Variants in VAV2 observed in about 807,000 individuals in gnomAD.
VAV2 encodes the protein vav guanine nucleotide exchange factor 2.
In VAV2, 67 loss-of-function variants were observed where a neutral mutation model predicts 132.5. That is an observed-to-expected ratio of 0.51 (90% confidence interval 0.42 to 0.62). VAV2 has a LOEUF of 0.62. VAV2 is among the 20% of genes least tolerant of loss of function. The probability of loss-of-function intolerance (pLI) is 0.00; values close to 1 mark genes in which losing one functional copy is unlikely to be tolerated. For synonymous variants in VAV2, 492 were observed against 443.5 expected (o/e 1.11, Z -1.37); for missense variants, 938 against 1,153.6 (o/e 0.81, Z 2.71).
intron 8 of VAV2, among the ~76,000 whole-genome samples, chr9:133,806,664 C>T (rs914578633): frequency 1.3e-5 from 2 of 152,236 alleles, no homozygotes; most frequent in African/African-American, 4.8e-5. Flanking sequence ...CAGCCTCATC[C>T]AGGGCAGCGT....
At chr9:133,909,890 G>A (rs1221706380) in intron 2 of VAV2, among the ~76,000 whole-genome samples, 2 of 152,142 alleles carry the variant, frequency 1.3e-5, no homozygotes, top group Non-Finnish European at 2.9e-5. Flanking sequence ...CTCACTCTCT[G>A]TCCTTCGCTT....
chr9:133,834,153 G>T lies in VAV2; in HGVS notation c.449+119C>A. On this transcript the variant is annotated intron_variant, in intron 4 of 29. Transcript: ENST00000371850. The surrounding 1 kb of genome is among the most constrained non-coding windows in gnomAD (Gnocchi z 5.9). ...ATGAGGAGATGCCCCGGTGGGAAGG[G>T]CCAGGGCCAGCTCTGCCTGCACTGT... The T allele has an allele frequency of 8.5e-7, 1 of 1,179,330 alleles. No individual in the cohort carries two copies. Among genetic ancestry groups the T allele is most frequent in the Non-Finnish European group, 1.2e-6 (1 of 831,958 alleles). The allele number at this position is 1,179,330 out of a possible 1,614,324, so 73.1% of individuals were successfully genotyped here. A position where few individuals can be genotyped will look rare whatever the true frequency, so the allele number is the denominator to read the frequency against.
intron 1 of VAV2, among the ~76,000 whole-genome samples, chr9:133,957,892 T>C (rs1041204317): frequency 6.6e-6 from 1 of 151,666 alleles, no homozygotes. Context: ...CTTGAGATTC[T>C]GTGACCTTAC....
chr9:133,911,696 C>G (rs892943854), intron 2 of VAV2, among the ~76,000 whole-genome samples: 1 of 152,246 alleles, frequency 6.6e-6, no homozygotes, highest in African/African-American at 2.4e-5. Flanking sequence ...CCCCATCAAC[C>G]TCCTGACCTC....
At chr9:133,891,586 AG>A (rs1838953930) in intron 2 of VAV2, among the ~76,000 whole-genome samples, 1 of 2,656 alleles carries the variant, frequency 3.8e-4, no homozygotes. Flanking sequence ...GAGGGGAAGG[AG>A]GGAAGGGAGG....
At position 133,788,240 on chromosome 9, in the gene VAV2, G is replaced by GCCCC; in HGVS notation, c.1407+113_1407+114insGGGG. 2.5e-6 allele frequency: 1 copy of GCCCC among 402,898 alleles called. No homozygotes were observed. The highest frequency in any genetic ancestry group is 5.0e-6 in the Non-Finnish European group (1 of 198,834). The allele number at this position is 402,898 out of a possible 1,614,324, so 25.0% of individuals were successfully genotyped here. ...CGGAGACGCCCACCCCAACCCACCCGGCCAGCATCAGCGGCTGACTTCGAG... is the reference window on the plus strand; with the variant it reads ...CGGAGACGCCCACCCCAACCCACCCGCCCCGCCAGCATCAGCGGCTGACTTCGAG... On this transcript the variant is annotated intron_variant, in intron 15 of 29. Transcript: ENST00000371850. The surrounding 1 kb of genome is among the most constrained non-coding windows in gnomAD (Gnocchi z 5.3).
intron 12 of VAV2, among the ~76,000 whole-genome samples, chr9:133,795,247 G>A (rs1260094108): frequency 2.6e-5 from 4 of 152,204 alleles, no homozygotes; most frequent in South Asian, 2.1e-4. Flanking sequence ...GGGGGCCCTC[G>A]AAACAGCCAG....
intron 4 of VAV2, among the ~76,000 whole-genome samples, chr9:133,822,419 C>T (rs1287406512): frequency 1.3e-5 from 2 of 152,138 alleles, no homozygotes; most frequent in Non-Finnish European, 2.9e-5. Flanking sequence ...GAAGGCGCAT[C>T]GAGCCTCTGA....
rs1415220120 is a variant in VAV2, at chr9:133,885,847, G to A, written c.322-24415C>T. The stretch of plus-strand genomic sequence containing the variant: ...CCTTGGGCTGGAAGGAACCACAGGC[G>A]CCACTGGGACGGCCCATTGGTGACA... On this transcript the variant is annotated intron_variant, in intron 2 of 29. Coordinates refer to ENST00000371850, the MANE Select transcript of VAV2 (RefSeq NM_001134398.2). The surrounding 1 kb of genome is among the most constrained non-coding windows in gnomAD (Gnocchi z 5.0). Among the ~76,000 whole-genome samples, 7 of 152,192 alleles carry A rather than the reference G, an allele frequency of 4.6e-5. No individual in the cohort carries two copies. The highest frequency in any genetic ancestry group is 7.2e-5 in the African/African-American group (3 of 41,448).
intron 2 of VAV2, among the ~76,000 whole-genome samples, chr9:133,903,062 C>T (rs1472418432): frequency 1.5e-5 from 2 of 135,806 alleles, no homozygotes; most frequent in East Asian, 2.1e-4. Flanking sequence ...GCAACAAGAG[C>T]GAAACCCTGC....
rs1441864699 is a variant in VAV2 at position 133,896,099 on chromosome 9, C to G, written c.322-34667G>C. 3.6e-5 allele frequency among the ~76,000 whole-genome samples: 3 copies of G among 83,246 alleles called. 1 individual carries two copies. The highest frequency in any genetic ancestry group is 3.3e-4 in the Admixed American group (3 of 9,114). The allele number at this position is 83,246 out of a possible 152,430, so 54.6% of individuals were successfully genotyped here. On this transcript the variant is annotated intron_variant, in intron 2 of 29. Coordinates refer to ENST00000371850, the MANE Select transcript of VAV2 (RefSeq NM_001134398.2). ...TGCGGCCTTCCGCAGTGTTTGTGTC[C>G]CTGGGTACTTAAGATTAGGGAGTGG...
intron 3 of VAV2, among the ~76,000 whole-genome samples, chr9:133,843,385 T>C (rs1293187775): frequency 6.6e-6 from 1 of 152,176 alleles, no homozygotes; most frequent in Non-Finnish European, 1.5e-5. Context: ...TTGGTATTTT[T>C]TTGTAGAGAT....
intron 2 of VAV2, among the ~76,000 whole-genome samples, chr9:133,920,574 C>T (rs955276553): frequency 6.6e-6 from 1 of 152,166 alleles, no homozygotes; most frequent in East Asian, 1.9e-4. Flanking sequence ...GTCGCTGATA[C>T]CAGCAGGGGA....
In VAV2 at chr9:133,961,014, T is replaced by A. The variant is rs564579023; in HGVS notation, c.205-21795A>T. 9.2e-5 allele frequency among the ~76,000 whole-genome samples: 14 copies of A among 152,314 alleles called. No homozygotes were observed. The highest frequency in any genetic ancestry group is 3.4e-4 in the African/African-American group (14 of 41,580). On this transcript the variant is annotated intron_variant, in intron 1 of 29. Coordinates refer to ENST00000371850, the MANE Select transcript of VAV2 (RefSeq NM_001134398.2). This position sits in a 1 kb window ranked among gnomAD's most constrained non-coding sequence, Gnocchi z 4.1. ...TGACCACAGGTCTGCCGCCTTGCAA[T>A]GCGACGCCTGCCTGGGAGCGCAGGT...
Position 133,858,580 on chromosome 9 carries a change from G to T in VAV2, c.380+2794C>A, listed in dbSNP as rs138497192. Among the ~76,000 whole-genome samples the T allele has an allele frequency of 3.7e-3, 559 of 152,244 alleles. 1 individual carries two copies. Among genetic ancestry groups the T allele is most frequent in the Non-Finnish European group, 6.2e-3 (424 of 68,008 alleles). On this transcript the variant is annotated intron_variant, in intron 3 of 29. Transcript: ENST00000371850. ...TCTGAGAACCTGAGGATGGTCTTGGGGACCCCACACACACCCTGCTACTGT... is the reference window on the plus strand; with the variant it reads ...TCTGAGAACCTGAGGATGGTCTTGGTGACCCCACACACACCCTGCTACTGT...
At position 133,884,487 on chromosome 9, in the gene VAV2, T is replaced by C. The variant is rs1838623422; in HGVS notation, c.322-23055A>G. On this transcript the variant is annotated intron_variant, in intron 2 of 29. Coordinates refer to ENST00000371850, the MANE Select transcript of VAV2 (RefSeq NM_001134398.2). This position sits in a 1 kb window ranked among gnomAD's most constrained non-coding sequence, Gnocchi z 5.3. ...GGGGGTGCCAGCCTGGGGGGCGTGG[T>C]GGGGACTCCGCAAGCACTCAACAGA... Among the ~76,000 whole-genome samples the C allele has an allele frequency of 6.6e-6, 1 of 151,982 alleles. No individual in the cohort carries two copies. Among genetic ancestry groups the C allele is most frequent in the African/African-American group, 2.4e-5 (1 of 41,374 alleles).
rs145998063 is a variant in VAV2 at position 133,948,633 on chromosome 9, G to A, written c.205-9414C>T. 3.5e-3 allele frequency among the ~76,000 whole-genome samples: 534 copies of A among 152,288 alleles called. 2 individuals are homozygous for A. The highest frequency in any genetic ancestry group is 0.012 in the African/African-American group (515 of 41,562). ...TGACAGAAAGGGCTGCAACAACAGC[G>A]TGTCTCGTTTCACTATTCTGTAAAG... On this transcript the variant is annotated intron_variant, in intron 1 of 29. Transcript: ENST00000371850.
At chr9:133,815,762 C>A (rs535842814) in intron 4 of VAV2, among the ~76,000 whole-genome samples, 1 of 152,270 alleles carries the variant, frequency 6.6e-6, no homozygotes, top group Admixed American at 6.5e-5. Context: ...GCTATATGAG[C>A]ATTCAAGTTG....
At chr9:133,983,272 A>G (rs1842755178) in intron 1 of VAV2, among the ~76,000 whole-genome samples, 2 of 152,184 alleles carry the variant, frequency 1.3e-5, no homozygotes, top group African/African-American at 4.8e-5. Flanking sequence ...GTGTCCCTAC[A>G]AGTCTCCTCA....
Sources: allele counts gnomAD v4.1 joint callset (sites outside exome capture counted in the v4.1 genomes callset), GRCh38; gene constraint gnomAD v4.1.1; non-coding constraint Gnocchi (gnomAD v3.1); transcripts MANE v1.5; gene names NCBI Gene and HGNC (gene_info 2026-07-23, HGNC 2026-07-21).